CDH13: variants seen among roughly 807,000 people sequenced by gnomAD.
The protein encoded by CDH13 is cadherin 13.
A neutral mutation model predicts 63.8 loss-of-function variants in CDH13; 24 were observed. That is an observed-to-expected ratio of 0.38 (90% CI 0.27 to 0.53). The LOEUF is 0.53. CDH13 is among the 20% of genes least tolerant of loss of function. The pLI, the probability that CDH13 is intolerant of heterozygous loss-of-function variation, is 0.85. For synonymous variants in CDH13, 503 were observed against 355.3 expected (o/e 1.42, Z -4.67); for missense variants, 1,049 against 903.1 (o/e 1.16, Z -2.07).
At chr16:82,628,422 T>C (rs953220013) in intron 1 of CDH13, among the ~76,000 whole-genome samples, 1 of 151,946 alleles carries the variant, frequency 6.6e-6, no homozygotes, top group Non-Finnish European at 1.5e-5. Context: ...CTGTCTGGGA[T>C]GGGGAGACTG....
chr16:82,704,098 C>T (rs1356994783), intron 1 of CDH13, among the ~76,000 whole-genome samples: 1 of 151,968 alleles, frequency 6.6e-6, no homozygotes, highest in East Asian at 1.9e-4. Flanking sequence ...AGGCAGGTGG[C>T]GTGGCTTGAA....
chr16:82,805,857 G>A (rs1352716687), intron 1 of CDH13, among the ~76,000 whole-genome samples: 3 of 152,286 alleles, frequency 2.0e-5, no homozygotes, highest in East Asian at 1.9e-4. Context: ...TCCGGTTGAC[G>A]AACTCTAGTG....
At chr16:83,414,605 A>G (rs959898529) in intron 6 of CDH13, among the ~76,000 whole-genome samples, 10 of 152,136 alleles carry the variant, frequency 6.6e-5, no homozygotes, top group African/African-American at 2.2e-4. Context: ...ACAGACACCA[A>G]TTCAGTCTTT....
rs183112963 is a variant in CDH13, at chr16:83,538,382, A to G, written c.960+51727A>G. On this transcript the variant is annotated intron_variant, in intron 7 of 13. Coordinates refer to ENST00000567109, the MANE Select transcript of CDH13 (RefSeq NM_001257.5). ...CCGTAGATGATCAATCAGAATCTTGAGAGTGAAATGACCAGTTAAGACAGA... is the reference window on the plus strand; with the variant it reads ...CCGTAGATGATCAATCAGAATCTTGGGAGTGAAATGACCAGTTAAGACAGA... 1.0e-3 allele frequency among the ~76,000 whole-genome samples: 155 copies of G among 152,358 alleles called. 1 individual carries two copies. Among genetic ancestry groups the G allele is most frequent in the Non-Finnish European group, 2.4e-4 (16 of 68,030 alleles).
At chr16:83,259,734 G>C (rs17756425) in intron 5 of CDH13, among the ~76,000 whole-genome samples, 14,661 of 152,032 alleles carry the variant, frequency 0.096, 808 homozygotes, top group Non-Finnish European at 0.12. Flanking sequence ...TTTGACTGAG[G>C]AAACTCGCTT....
At chr16:82,834,703 C>T (rs1039898766) in intron 1 of CDH13, among the ~76,000 whole-genome samples, 3 of 152,112 alleles carry the variant, frequency 2.0e-5, no homozygotes, top group African/African-American at 4.8e-5. Context: ...CACTTGGCTC[C>T]GCAGAAGTGA....
intron 2 of CDH13, among the ~76,000 whole-genome samples, chr16:82,918,501 T>G (rs1354096446): frequency 2.1e-5 from 3 of 145,282 alleles, no homozygotes. Flanking sequence ...GTATGTACAC[T>G]TTCACTTTTT....
intron 4 of CDH13, among the ~76,000 whole-genome samples, chr16:83,153,602 G>T (rs1041560330): frequency 5.9e-5 from 9 of 152,204 alleles, no homozygotes; most frequent in Non-Finnish European, 1.3e-4. Context: ...ACAGTTTGGA[G>T]GTTCGAGGCA....
At chr16:82,819,451 C>G (rs536013210) in intron 1 of CDH13, among the ~76,000 whole-genome samples, 1 of 152,146 alleles carries the variant, frequency 6.6e-6, no homozygotes, top group Non-Finnish European at 1.5e-5. Flanking sequence ...ATACAGGAAG[C>G]TTCTAAGCTG....
At chr16:83,745,601 C>G (rs1912503391) in intron 10 of CDH13, among the ~76,000 whole-genome samples, 1 of 152,142 alleles carries the variant, frequency 6.6e-6, no homozygotes, top group Non-Finnish European at 1.5e-5. Flanking sequence ...TGCCCATTCC[C>G]TTTGTCAGCC....
At chr16:82,889,288 T>A (rs1048172185) in intron 2 of CDH13, among the ~76,000 whole-genome samples, 1 of 145,164 alleles carries the variant, frequency 6.9e-6, no homozygotes, top group Non-Finnish European at 1.5e-5. Context: ...TGTGCTTGTC[T>A]GTCTCTCTAT....
chr16:82,809,213 A>G (rs2037315942), intron 1 of CDH13, among the ~76,000 whole-genome samples: 1 of 152,018 alleles, frequency 6.6e-6, no homozygotes. Flanking sequence ...GTTTCGTGTC[A>G]CCATATTTTA....
intron 1 of CDH13, among the ~76,000 whole-genome samples, chr16:82,728,041 CTTA>C (rs1330694075): frequency 1.3e-5 from 2 of 152,292 alleles, no homozygotes; most frequent in East Asian, 1.9e-4. Context: ...TGCTCTATTA[CTTA>C]TTATGTCTGC....
At chr16:83,102,965 T>TTTTTTTTTTTTTTTTTTTTTTTC (rs2034570357) in intron 3 of CDH13, among the ~76,000 whole-genome samples, 1 of 107,836 alleles carries the variant, frequency 9.3e-6, no homozygotes, top group Non-Finnish European at 1.8e-5. Context: ...TTTTTTTTTT[T>TTTTTTTTTTTTTTTTTTTTTTTC]TTTTTGAGGT....
At chr16:83,508,819 A>G (rs185948804) in intron 7 of CDH13, among the ~76,000 whole-genome samples, 75 of 152,356 alleles carry the variant, frequency 4.9e-4, no homozygotes, top group African/African-American at 1.7e-3. Flanking sequence ...AGCTGGATCC[A>G]TTATTCTCTC....
intron 7 of CDH13, among the ~76,000 whole-genome samples, chr16:83,546,975 G>C (rs868309047): frequency 6.6e-6 from 1 of 152,256 alleles, no homozygotes. Context: ...GGACACCTCC[G>C]GTCCTGAACA....
At chr16:83,297,197 T>C (rs2089622881) in intron 5 of CDH13, among the ~76,000 whole-genome samples, 1 of 152,150 alleles carries the variant, frequency 6.6e-6, no homozygotes, top group African/African-American at 2.4e-5. Context: ...ATTATTATAT[T>C]GTGTATCTGA....
At chr16:83,123,430 C>G (rs906429655) in intron 3 of CDH13, among the ~76,000 whole-genome samples, 1 of 152,040 alleles carries the variant, frequency 6.6e-6, no homozygotes, top group Admixed American at 6.6e-5. Context: ...CAGGCATGCA[C>G]CACCATGCCC....
At chr16:83,527,448 C>CAA (rs113406128) in intron 7 of CDH13, among the ~76,000 whole-genome samples, 5 of 138,930 alleles carry the variant, frequency 3.6e-5, no homozygotes, top group African/African-American at 1.3e-4. Context: ...GACCCCATCT[C>CAA]AAAAAAAAAA....
Sources: gnomAD v4.1 joint callset for allele counts (sites outside exome capture counted in the v4.1 genomes callset) on GRCh38, gnomAD v4.1.1 for gene constraint, MANE v1.5 for transcripts, NCBI Gene and HGNC (gene_info 2026-07-23, HGNC 2026-07-21) for gene names.